The following SHOC2 variants were observed in gnomAD, a reference collection of about 807,000 sequenced individuals.
SHOC2 encodes the protein leucine-rich repeat protein SHOC-2.
A neutral mutation model predicts 50.2 loss-of-function variants in SHOC2; 4 were observed. The ratio of observed to expected loss-of-function variants is 0.08; its 90% CI spans 0.04 to 0.18. SHOC2 has a LOEUF of 0.18. SHOC2 is among the 10% of genes least tolerant of loss of function. The pLI, the probability that SHOC2 is intolerant of heterozygous loss-of-function variation, is 1.00. For synonymous variants in SHOC2, 218 were observed against 244.5 expected, an observed-to-expected ratio of 0.89 and a Z score of 1.01; for missense variants, 388 against 669.6, an observed-to-expected ratio of 0.58 and a Z score of 4.64.
At chr10:110,924,240 G>T (rs1205217717) in intron 1 of SHOC2, among the ~76,000 whole-genome samples, 1 of 152,166 alleles carries the variant, frequency 6.6e-6, no homozygotes, top group Non-Finnish European at 1.5e-5. Context: ...CTTTCAGTAA[G>T]TTCAGAGTTT....
At chr10:110,967,106 A>G (rs890297344) in intron 2 of SHOC2, among the ~76,000 whole-genome samples, 1 of 152,220 alleles carries the variant, frequency 6.6e-6, no homozygotes, top group East Asian at 1.9e-4. Flanking sequence ...GAATCATAAT[A>G]CTATACATTG....
chr10:110,943,011 G>A (rs1244507171), intron 1 of SHOC2, among the ~76,000 whole-genome samples: 2 of 152,110 alleles, frequency 1.3e-5, no homozygotes, highest in Non-Finnish European at 2.9e-5. Context: ...TTTCTAAGAT[G>A]AAGAATTCTT....
At chr10:110,929,825 A>G (rs970377250) in intron 1 of SHOC2, among the ~76,000 whole-genome samples, 1 of 152,244 alleles carries the variant, frequency 6.6e-6, no homozygotes, top group Non-Finnish European at 1.5e-5. Context: ...TGGGAAGGAC[A>G]CAGTTCAGGA....
chr10:110,978,362 T>C (rs1847913714), intron 2 of SHOC2, among the ~76,000 whole-genome samples: 1 of 152,144 alleles, frequency 6.6e-6, no homozygotes, highest in African/African-American at 2.4e-5. Context: ...CTCTGAAAAG[T>C]GTTACATTTT....
chr10:110,999,121 C>T (rs898879877), intron 3 of SHOC2, among the ~76,000 whole-genome samples: 5 of 152,138 alleles, frequency 3.3e-5, no homozygotes, highest in Non-Finnish European at 7.4e-5. Context: ...CACAGGCTTC[C>T]ACTTCTGTAA....
chr10:110,935,425 C>T (rs975617685), intron 1 of SHOC2, among the ~76,000 whole-genome samples: 1 of 152,154 alleles, frequency 6.6e-6, no homozygotes, highest in Non-Finnish European at 1.5e-5. Flanking sequence ...CTTGAAAAAA[C>T]TTCAGTTTAT....
intron 1 of SHOC2, among the ~76,000 whole-genome samples, chr10:110,930,434 G>A (rs1012499992): frequency 1.8e-4 from 27 of 152,092 alleles, no homozygotes; most frequent in African/African-American, 6.3e-4. Flanking sequence ...GAAGAAATAT[G>A]TGGCTTTATA....
chr10:110,958,316 C>T (rs1029643094), intron 1 of SHOC2, among the ~76,000 whole-genome samples: 8 of 151,876 alleles, frequency 5.3e-5, no homozygotes, highest in African/African-American at 7.2e-5. Flanking sequence ...CCAGTTCAAG[C>T]GATTCTTCTG....
intron 5 of SHOC2, among the ~76,000 whole-genome samples, chr10:111,005,356 G>A (rs1374665706): frequency 6.6e-6 from 1 of 152,100 alleles, no homozygotes; most frequent in East Asian, 1.9e-4. Flanking sequence ...TATTTCATAG[G>A]TACCAACTTA....
rs763203844 is a variant in SHOC2 at position 110,925,070 on chromosome 10, CAAAAAA to C, written c.-235+5430_-235+5435del. ...TAGGCGACAGAGTGAGACTCTGTCT[CAAAAAA>C]AAAAAAAAAAAAAAAATTAAAATAA... On this transcript the variant is annotated intron_variant, in intron 1 of 8. Transcript: ENST00000369452. 7.4e-4 allele frequency among the ~76,000 whole-genome samples: 61 copies of C among 82,486 alleles called. No individual in the cohort carries two copies. The East Asian group carries it at 0.013, about 17-fold the overall frequency. The allele number at this position is 82,486 out of a possible 152,430, so 54.1% of individuals were successfully genotyped here.
At chr10:110,926,989 T>A (rs1355718392) in intron 1 of SHOC2, among the ~76,000 whole-genome samples, 2 of 152,338 alleles carry the variant, frequency 1.3e-5, no homozygotes, top group African/African-American at 4.8e-5. Flanking sequence ...TACTTTGCTA[T>A]GAAATATGTA....
intron 2 of SHOC2, among the ~76,000 whole-genome samples, chr10:110,967,999 G>A (rs1847709535): frequency 6.6e-6 from 1 of 152,114 alleles, no homozygotes; most frequent in Non-Finnish European, 1.5e-5. Flanking sequence ...GAATTGTTGA[G>A]TCATATGGTA....
At position 111,007,668 on chromosome 10, in the gene SHOC2, G is replaced by A. The variant is rs770745229; in HGVS notation, c.1284+15G>A. On this transcript the variant is annotated intron_variant, in intron 6 of 8. Transcript: ENST00000369452. ...TTTCTCTTGAGGTTAGTATAAATGA[G>A]CAATTAGAGAACTTCAGAACCTTCC... 2 of 1,612,874 alleles carry A rather than the reference G, an allele frequency of 1.2e-6. No homozygotes were observed. The highest frequency in any genetic ancestry group is 4.5e-5 in the East Asian group (2 of 44,764).
At chr10:110,946,375 G>GAT (rs1349347046) in intron 1 of SHOC2, among the ~76,000 whole-genome samples, 1 of 149,134 alleles carries the variant, frequency 6.7e-6, no homozygotes, top group Non-Finnish European at 1.5e-5. Context: ...GTATTGGCCA[G>GAT]GTTCTAGGCT....
At chr10:110,977,817 G>T (rs1847904662) in intron 2 of SHOC2, among the ~76,000 whole-genome samples, 2 of 152,098 alleles carry the variant, frequency 1.3e-5, no homozygotes, top group South Asian at 4.1e-4. Flanking sequence ...GTCTTTTTGT[G>T]GCTGGTAGGA....
intron 1 of SHOC2, among the ~76,000 whole-genome samples, chr10:110,957,565 C>G (rs768056832): frequency 1.4e-4 from 21 of 146,228 alleles, no homozygotes; most frequent in Non-Finnish European, 3.0e-4. Context: ...CCAACTCACT[C>G]TTCCAGTTTC....
intron 3 of SHOC2, among the ~76,000 whole-genome samples, chr10:110,987,687 A>G (rs966116837): frequency 2.0e-5 from 3 of 152,192 alleles, no homozygotes; most frequent in African/African-American, 7.2e-5. Flanking sequence ...TCTCTTTAAA[A>G]TCTATTGAAA....
intron 4 of SHOC2, among the ~76,000 whole-genome samples, chr10:111,002,263 A>G (rs1387614943): frequency 2.0e-5 from 3 of 152,196 alleles, no homozygotes; most frequent in African/African-American, 7.2e-5. Context: ...TGGAAGCAGC[A>G]TAGTCCCAAT....
At chr10:110,937,306 A>G (rs1179851426) in intron 1 of SHOC2, 1 of 697,806 alleles carries the variant, frequency 1.4e-6, no homozygotes, top group Non-Finnish European at 2.6e-6. Flanking sequence ...CAGTGATGCC[A>G]AATGAGGTCT....
Sources: gnomAD v4.1 joint callset for allele counts (sites outside exome capture counted in the v4.1 genomes callset) on GRCh38, gnomAD v4.1.1 for gene constraint, MANE v1.5 for transcripts, NCBI Gene and HGNC (gene_info 2026-07-23, HGNC 2026-07-21) for gene names.